Variants in AIFM2 observed in about 807,000 individuals in gnomAD.
AIFM2 encodes AIF family member 2, ferroptosis suppressor.
In AIFM2, 38 loss-of-function variants were observed where a neutral mutation model predicts 35.7. The observed-to-expected ratio is 1.06, with a 90% CI of 0.82 to 1.39. The LOEUF (loss-of-function observed/expected upper bound fraction) is 1.39. Ranked by LOEUF, AIFM2 falls within the 40% of genes most tolerant of loss-of-function variation. The pLI is 0.00. For synonymous variants in AIFM2, 185 were observed against 203.5 expected (o/e 0.91, Z 0.77); for missense variants, 476 against 491.2 (o/e 0.97, Z 0.29).
chr10:70,119,776 T>G (rs1334620775), intron 5 of AIFM2, among the ~76,000 whole-genome samples: 3 of 152,344 alleles, frequency 2.0e-5, no homozygotes, highest in Non-Finnish European at 2.9e-5. Context: ...CCGATCTGGC[T>G]TCAACCGCAA....
intron 1 of AIFM2, among the ~76,000 whole-genome samples, chr10:70,128,202 T>C (rs2072589257): frequency 6.6e-6 from 1 of 152,258 alleles, no homozygotes; most frequent in South Asian, 2.1e-4. Context: ...CCCAGTTGTA[T>C]GTTCTAACAT....
At chr10:70,130,980 C>T (rs1261679168) in intron 1 of AIFM2, among the ~76,000 whole-genome samples, 1 of 152,136 alleles carries the variant, frequency 6.6e-6, no homozygotes, top group African/African-American at 2.4e-5. Context: ...TCAGTCAATC[C>T]TGTTTTCTCT....
In AIFM2 at chr10:70,120,588, T is replaced by C. The variant is rs1392723216; in HGVS notation, c.426A>G (p.Ser142=). 1 of 1,613,962 alleles carries C rather than the reference T, an allele frequency of 6.2e-7. No homozygotes were observed. Among genetic ancestry groups the C allele is most frequent in the African/African-American group, 1.3e-5 (1 of 74,916 alleles). ...CTCCTCCCACCACCACGATGAACCG[T>C]GAGCGCTGGACCTGGAGAAGAGGAC... ...YEDMVRQVQR[S]RFIVVVGGGS... The change falls in exon 5 of 9, where the codon TCA becomes TCG. Residue 142 remains serine (S), a synonymous_variant. Coordinates refer to ENST00000307864, the MANE Select transcript of AIFM2 (RefSeq NM_032797.6).
rs2072449865 is a variant in AIFM2, at chr10:70,117,344, G to A, written c.616+468C>T. Among the ~76,000 whole-genome samples the A allele has an allele frequency of 6.6e-6, 1 of 152,230 alleles. No homozygotes were observed. The highest frequency in any genetic ancestry group is 1.5e-5 in the Non-Finnish European group (1 of 68,046). Reference sequence around the variant, plus strand: ...GTGTAGGGGCCACAGCGCTGGAAGAGAACCTCACTTTCCAGCATTTGCTGG... The same window carrying A: ...GTGTAGGGGCCACAGCGCTGGAAGAAAACCTCACTTTCCAGCATTTGCTGG... On this transcript the variant is annotated intron_variant, in intron 6 of 8. Coordinates refer to ENST00000307864, the MANE Select transcript of AIFM2 (RefSeq NM_032797.6). This position sits in a 1 kb window ranked among gnomAD's most constrained non-coding sequence, Gnocchi z 4.7.
chr10:70,120,932 G>T (rs1157298145), intron 4 of AIFM2, among the ~76,000 whole-genome samples, 160 bp downstream of exon 4: 4 of 152,124 alleles, frequency 2.6e-5, no homozygotes, highest in Non-Finnish European at 4.4e-5. Flanking sequence ...CAAGTTCAAG[G>T]TCTCTTCCCA....
Position 70,113,752 on chromosome 10 carries a change from T to TGGA in AIFM2, c.*425_*426insTCC, listed in dbSNP as rs1219253767. 2 of 159,778 alleles carry TGGA rather than the reference T, an allele frequency of 1.3e-5. No homozygotes were observed. The highest frequency in any genetic ancestry group is 4.8e-5 in the African/African-American group (2 of 41,558). 9.9% of individuals were successfully genotyped at this position (159,778 alleles called of 1,614,324 possible). Reference sequence around the variant, plus strand: ...TTTGTTCTCAATGTGCAGCTCTCCTTCCTGCCCTCACAGACAGACACTGGC... The same window carrying TGGA: ...TTTGTTCTCAATGTGCAGCTCTCCTTGGACCTGCCCTCACAGACAGACACTGGC... On this transcript the variant is annotated 3_prime_UTR_variant, in exon 9 of 9. Coordinates refer to ENST00000307864, the MANE Select transcript of AIFM2 (RefSeq NM_032797.6).
At position 70,121,223 on chromosome 10, in the gene AIFM2, C is replaced by CAA. The variant is rs35599207; in HGVS notation, c.295-14_295-13dup. ...GAGAAGGGCAGGGCCTGAGAGAAACCAAAAAAAAAAAAAAAAAAAAAAAAA... is the reference window on the plus strand; with the variant it reads ...GAGAAGGGCAGGGCCTGAGAGAAACCAAAAAAAAAAAAAAAAAAAAAAAAAAA... On this transcript the variant is annotated splice_polypyrimidine_tract_variant and intron_variant, in intron 3 of 8. Transcript: ENST00000307864. 1,805 of 664,484 alleles carry CAA rather than the reference C, an allele frequency of 2.7e-3. No homozygotes were observed. Among genetic ancestry groups the CAA allele is most frequent in the African/African-American group, 3.7e-3 (98 of 26,246 alleles). 41.2% of individuals were successfully genotyped at this position (664,484 alleles called of 1,614,324 possible). A position where few individuals can be genotyped will look rare whatever the true frequency, so the allele number is the denominator to read the frequency against.
rs774178566 is a variant in AIFM2, at chr10:70,115,107, G to A, written c.783C>T (p.Ala261=). ...AYRKAFESRL[A]SSGALRVNEH... is the part of the protein sequence containing the mutation. ...CGTTCACTCTCAGAGCACCACTGCT[G>A]GCTAGTCTGCTCTCTGCCAGAAGAA... Residue 261 remains alanine, a synonymous_variant, in exon 8 of 9, where the codon GCC becomes GCT. Coordinates refer to ENST00000307864, the MANE Select transcript of AIFM2 (RefSeq NM_032797.6). 2 of 1,613,660 alleles carry A rather than the reference G, an allele frequency of 1.2e-6. No individual in the cohort carries two copies. Among genetic ancestry groups the A allele is most frequent in the African/African-American group, 1.3e-5 (1 of 74,908 alleles).
At chr10:70,118,386 G>C (rs1360670721) in intron 5 of AIFM2, 3 of 153,438 alleles carry the variant, frequency 2.0e-5, no homozygotes, top group South Asian at 2.0e-4. Flanking sequence ...CATGTTCAAA[G>C]CCTGGGCTTT....
rs1011354507 is a variant in AIFM2 at position 70,117,075 on chromosome 10, C to T, written c.617-301G>A. On this transcript the variant is annotated intron_variant, in intron 6 of 8. Coordinates refer to ENST00000307864, the MANE Select transcript of AIFM2 (RefSeq NM_032797.6). This position sits in a 1 kb window ranked among gnomAD's most constrained non-coding sequence, Gnocchi z 4.7. ...GTTTAATGGAAGATCTCAGACGCGC[C>T]TCTTATGAGTGCCAGCCGTGCCATC... is the stretch of plus-strand genomic sequence containing the variant. Among the ~76,000 whole-genome samples, 2 of 152,234 alleles carry T rather than the reference C, an allele frequency of 1.3e-5. No homozygotes were observed. Among genetic ancestry groups the T allele is most frequent in the African/African-American group, 4.8e-5 (2 of 41,462 alleles).
chr10:70,127,748 C>T (rs2072584575), intron 1 of AIFM2, among the ~76,000 whole-genome samples: 1 of 152,200 alleles, frequency 6.6e-6, no homozygotes, highest in African/African-American at 2.4e-5. Context: ...CTTGCCTCAC[C>T]CAAGGAAGGC....
At chr10:70,118,530 A>G (rs1156955002) in intron 5 of AIFM2, among the ~76,000 whole-genome samples, 1 of 152,252 alleles carries the variant, frequency 6.6e-6, no homozygotes, top group African/African-American at 2.4e-5. Flanking sequence ...CGTACAAAGC[A>G]TGTAACTCAG....
rs2072454663 is a variant in AIFM2, at chr10:70,117,815, G to A, written c.613C>T (p.Leu205=). Residue 205 remains leucine, a synonymous_variant, in exon 6 of 9, where the codon CTG becomes TTG. Transcript: ENST00000307864. This position sits in a 1 kb window ranked among gnomAD's most constrained non-coding sequence, Gnocchi z 4.7. The part of the protein sequence containing the change: ...ILLRKGVQLL[L]SERVSNLEEL... ...AGGGAGGTGAGGGTGCACGTACTCA[G>A]CAGCAGCTGCACGCCCTTCCGGAGG... 1 of 1,604,732 alleles carries A rather than the reference G, an allele frequency of 6.2e-7. No individual in the cohort carries two copies. Among genetic ancestry groups the A allele is most frequent in the Non-Finnish European group, 8.5e-7 (1 of 1,176,284 alleles).
chr10:70,128,022 T>A (rs1357547223), intron 1 of AIFM2, among the ~76,000 whole-genome samples: 4 of 152,264 alleles, frequency 2.6e-5, no homozygotes, highest in Non-Finnish European at 2.9e-5. Context: ...CGACTCTCTT[T>A]GGCTCTGCCA....
intron 1 of AIFM2, among the ~76,000 whole-genome samples, 189 bp downstream of exon 1, chr10:70,132,545 G>T (rs1221296989): frequency 6.6e-6 from 1 of 152,268 alleles, no homozygotes; most frequent in East Asian, 1.9e-4. Context: ...TGCGTTTTTT[G>T]GGGGAGACAG....
Position 70,123,467 on chromosome 10 carries a change from G to C in AIFM2, c.232C>G (p.Arg78Gly), listed in dbSNP as rs145841962. 1 of 1,614,050 alleles carries C rather than the reference G, an allele frequency of 6.2e-7. No homozygotes were observed. Among genetic ancestry groups the C allele is most frequent in the Admixed American group, 1.7e-5 (1 of 60,010 alleles). The change falls in exon 3 of 9, where the codon CGG becomes GGG. Residue 78 changes from arginine (R) to glycine (G), a missense_variant. Arg to Gly is a moderately radical substitution (Grantham distance 125, BLOSUM62 -2). Transcript: ENST00000307864. ...TCTATCCCCACTACTAGCCCCTGCC[G>C]GAAGTTGTCCTTGAAAGTCACCGAG... The part of the protein sequence containing the change: ...SYSVTFKDNF[R>G]QGLVVGIDLK...
intron 1 of AIFM2, among the ~76,000 whole-genome samples, chr10:70,132,062 G>C (rs2072632179): frequency 6.6e-6 from 1 of 152,152 alleles, no homozygotes. Context: ...CTCCTTGTAG[G>C]GAAAGGTAGG....
rs561627838 is a variant in AIFM2, at chr10:70,114,954, A to G, written c.936T>C (p.Ser312=). Residue 312 remains serine, a synonymous_variant, in exon 8 of 9, where the codon TCT becomes TCC. Transcript: ENST00000307864. Reference sequence around the variant, plus strand: ...AGGCCTGGAGAGGCCGCTGCTTCACAGAGTTGACGATGTTGGCCACGGCGA... The same window carrying G: ...AGGCCTGGAGAGGCCGCTGCTTCACGGAGTTGACGATGTTGGCCACGGCGA... ...ANIAVANIVN[S]VKQRPLQAYK... The G allele has an allele frequency of 4.3e-6, 7 of 1,614,168 alleles. No individual in the cohort carries two copies. In the South Asian group the frequency reaches 7.7e-5, roughly 18 times the overall value.
chr10:70,129,289 TCATTTACGTAAAG>T (rs2072602381), intron 1 of AIFM2, among the ~76,000 whole-genome samples: 1 of 151,960 alleles, frequency 6.6e-6, no homozygotes, highest in Non-Finnish European at 1.5e-5. Context: ...TTCAATGAGA[TCATTTACGTAAAG>T]CATTTTAGCA....
Sources: allele counts gnomAD v4.1 joint callset (sites outside exome capture counted in the v4.1 genomes callset), GRCh38; gene constraint gnomAD v4.1.1; non-coding constraint Gnocchi (gnomAD v3.1); transcripts MANE v1.5; gene names NCBI Gene and HGNC (gene_info 2026-07-23, HGNC 2026-07-21).